Variants in ABCA8 observed in about 807,000 individuals in gnomAD.
The protein encoded by ABCA8 is ABC-type organic anion transporter ABCA8.
Under a neutral mutation model 192.3 loss-of-function variants are expected in ABCA8, and 177 were observed. The ratio of observed to expected loss-of-function variants is 0.92; its 90% CI spans 0.81 to 1.04. The LOEUF (loss-of-function observed/expected upper bound fraction) is 1.04. ABCA8 is among the 50% of genes least tolerant of loss of function. ABCA8 has a pLI of 0.00. For missense variants in ABCA8, 1,915 were observed against 1,904.8 expected, an observed-to-expected ratio of 1.01 and a Z score of -0.10; for synonymous variants, 642 against 690.2, an observed-to-expected ratio of 0.93 and a Z score of 1.09.
intron 11 of ABCA8, 57 bp from the exon 12 acceptor site, chr17:68,922,357 G>C (rs2067568136): frequency 8.5e-7 from 1 of 1,177,334 alleles, no homozygotes; most frequent in Non-Finnish European, 1.2e-6. Flanking sequence ...GTAATTTCCA[G>C]TTTGGTAGAC....
chr17:68,918,884 AG>A (rs2143609394), intron 14 of ABCA8, among the ~76,000 whole-genome samples: 1 of 141,960 alleles, frequency 7.0e-6, no homozygotes, highest in Admixed American at 7.3e-5. Context: ...GAGCCGGCAT[AG>A]GGCCATTGCA....
At position 68,875,364 on chromosome 17, in the gene ABCA8, A is replaced by C; in HGVS notation, c.4527T>G (p.Phe1509Leu). 1 of 1,614,138 alleles carries C rather than the reference A, an allele frequency of 6.2e-7. No homozygotes were observed. The highest frequency in any genetic ancestry group is 8.5e-7 in the Non-Finnish European group (1 of 1,180,018). The part of the protein sequence containing the change: ...IGSIQHLKSK[F>L]GKDYLLEMKV... ...TCATCTCCAGCAGGTAATCTTTGCC[A>C]AATTTGCTTTTCAGGTGTTGGATGG... The change falls in exon 37 of 40, where the codon TTT becomes TTG. Residue 1509 changes from phenylalanine (F) to leucine (L), a missense_variant. Phe to Leu is a conservative substitution (Grantham distance 22). Coordinates refer to ENST00000586539, the MANE Select transcript of ABCA8 (RefSeq NM_001288985.2).
Position 68,933,070 on chromosome 17 carries a change from A to G in ABCA8, c.570+98T>C, listed in dbSNP as rs973479947. On this transcript the variant is annotated intron_variant, in intron 6 of 39. Transcript: ENST00000586539. ...TTCAGAGTGAGCAAAGGAAATAACAAGGCTATCCACTTATATTTTCTTCCA... is the reference window on the plus strand; with the variant it reads ...TTCAGAGTGAGCAAAGGAAATAACAGGGCTATCCACTTATATTTTCTTCCA... 2.4e-5 allele frequency: 20 copies of G among 829,416 alleles called. No individual in the cohort carries two copies. In the African/African-American group the frequency reaches 3.1e-4, roughly 13 times the overall value. The allele number at this position is 829,416 out of a possible 1,614,324, so 51.4% of individuals were successfully genotyped here.
chr17:68,878,748 T>C (rs2143269603), intron 32 of ABCA8: 1 of 152,348 alleles, frequency 6.6e-6, no homozygotes, highest in South Asian at 2.1e-4. Context: ...TGATTGAAGT[T>C]AAGGACTAAA....
intron 10 of ABCA8, among the ~76,000 whole-genome samples, chr17:68,926,689 G>A (rs2067709707): frequency 1.3e-5 from 2 of 152,186 alleles, no homozygotes; most frequent in African/African-American, 2.4e-5. Flanking sequence ...GCCAACAATA[G>A]TGGATCCTGA....
At chr17:68,935,662 A>G (rs1484248007) in intron 5 of ABCA8, among the ~76,000 whole-genome samples, 1 of 150,654 alleles carries the variant, frequency 6.6e-6, no homozygotes, top group Non-Finnish European at 1.5e-5. Flanking sequence ...ATATGAGTGC[A>G]GGTATCTTTT....
At chr17:68,874,994 C>A (rs1008807598) in intron 37 of ABCA8, among the ~76,000 whole-genome samples, 2 of 152,024 alleles carry the variant, frequency 1.3e-5, no homozygotes, top group Non-Finnish European at 2.9e-5. Context: ...ATTTTTTTTA[C>A]TGGAATAGCT....
At chr17:68,903,549 T>G (rs2066970946) in intron 19 of ABCA8, 50 bp from the exon 20 acceptor site, 1 of 1,568,898 alleles carries the variant, frequency 6.4e-7, no homozygotes, top group Non-Finnish European at 8.8e-7. Context: ...GAGCTTACTA[T>G]AGAGATTGGC....
chr17:68,925,277 G>C (rs780332041), intron 10 of ABCA8, among the ~76,000 whole-genome samples: 42 of 151,962 alleles, frequency 2.8e-4, no homozygotes, highest in Non-Finnish European at 4.0e-4. Context: ...AAATCCAAAA[G>C]AAGATAGAAT....
At chr17:68,904,022 C>A (rs1353884182) in intron 19 of ABCA8, among the ~76,000 whole-genome samples, 1 of 151,992 alleles carries the variant, frequency 6.6e-6, no homozygotes, top group African/African-American at 2.4e-5. Context: ...TAATATCAAA[C>A]CTCAAAAAGC....
rs781460847 is a variant in ABCA8 at position 68,877,478 on chromosome 17, C to T, written c.4199+41G>A. ...GGTCATCACTCTCAACCTCCTCCAC[C>T]CCTCCCTTGGGTATAGAACAGATGT... On this transcript the variant is annotated intron_variant, in intron 33 of 39. Transcript: ENST00000586539. 4.5e-6 allele frequency: 7 copies of T among 1,546,386 alleles called. No homozygotes were observed. In the East Asian group the frequency reaches 7.0e-5, roughly 15 times the overall value.
At chr17:68,889,717 C>T (rs1355741287) in intron 24 of ABCA8, among the ~76,000 whole-genome samples, 1 of 152,068 alleles carries the variant, frequency 6.6e-6, no homozygotes, top group Non-Finnish European at 1.5e-5. Context: ...ACAAGTGACC[C>T]CCCACACCCC....
At chr17:68,892,101 CTT>C (rs1423390943) in intron 23 of ABCA8, among the ~76,000 whole-genome samples, 1 of 152,144 alleles carries the variant, frequency 6.6e-6, no homozygotes, top group African/African-American at 2.4e-5. Context: ...CCAAGAAAAT[CTT>C]TGCCCTAGTT....
At chr17:68,923,412 C>G (rs1055037710) in intron 11 of ABCA8, among the ~76,000 whole-genome samples, 1 of 152,094 alleles carries the variant, frequency 6.6e-6, no homozygotes, top group Non-Finnish European at 1.5e-5. Flanking sequence ...GTTGCTCAAG[C>G]TGGTCTCAAA....
At chr17:68,887,887 T>TATATA in intron 24 of ABCA8, among the ~76,000 whole-genome samples, 1 of 41,826 alleles carries the variant, frequency 2.4e-5, no homozygotes, top group East Asian at 6.9e-3. Flanking sequence ...CCTCCATATA[T>TATATA]ATATATATAT....
At chr17:68,942,177 C>CAGCATTGTA in intron 2 of ABCA8, 138 bp from the exon 3 acceptor site, 1 of 635,258 alleles carries the variant, frequency 1.6e-6, no homozygotes, top group Non-Finnish European at 2.7e-6. Context: ...GTTCCCAAGT[C>CAGCATTGTA]AGCATTGTAT....
At position 68,877,554 on chromosome 17, in the gene ABCA8, C is replaced by T. The variant is rs751839042; in HGVS notation, c.4164G>A (p.Gly1388=). ...QHLEVYAAVK[G]LRKGDAEVAI... Reference sequence around the variant, plus strand: ...CAACCTCAGCATCCCCTTTCCTCAGCCCTTTCACGGCGGCGTACACCTCCA... The same window carrying T: ...CAACCTCAGCATCCCCTTTCCTCAGTCCTTTCACGGCGGCGTACACCTCCA... Residue 1388 remains glycine (G), a synonymous_variant, in exon 33 of 40, where the codon GGG becomes GGA. Coordinates refer to ENST00000586539, the MANE Select transcript of ABCA8 (RefSeq NM_001288985.2). The T allele has an allele frequency of 4.3e-6, 7 of 1,613,918 alleles. No homozygotes were observed. Among genetic ancestry groups the T allele is most frequent in the Non-Finnish European group, 5.9e-6 (7 of 1,179,890 alleles).
At position 68,903,353 on chromosome 17, in the gene ABCA8, C is replaced by G. The variant is rs760008009; in HGVS notation, c.2545G>C (p.Ala849Pro). The G allele has an allele frequency of 1.2e-6, 2 of 1,614,190 alleles. No homozygotes were observed. The highest frequency in any genetic ancestry group is 2.2e-5 in the East Asian group (1 of 44,872). Residue 849 changes from alanine to proline, a missense_variant, in exon 20 of 40, where the codon GCA (alanine) becomes CCA (proline). Transcript: ENST00000586539. Reference protein sequence around the residue: ...ALWRQQICAIARVRLLKLKHE... With the variant: ...ALWRQQICAIPRVRLLKLKHE... ...TTTAACTTTAACAAGCGAACCCTTGCAATTGCGCAGATTTGCTGTCGCCAG... is the reference window on the plus strand; with the variant it reads ...TTTAACTTTAACAAGCGAACCCTTGGAATTGCGCAGATTTGCTGTCGCCAG...
At chr17:68,886,074 A>G (rs1256299854) in intron 26 of ABCA8, among the ~76,000 whole-genome samples, 1 of 152,198 alleles carries the variant, frequency 6.6e-6, no homozygotes, top group Admixed American at 6.5e-5. Flanking sequence ...AGAAAGTGAT[A>G]GGTACACTGG....
Sources: allele counts gnomAD v4.1 joint callset (sites outside exome capture counted in the v4.1 genomes callset), GRCh38; gene constraint gnomAD v4.1.1; transcripts MANE v1.5; gene names NCBI Gene and HGNC (gene_info 2026-07-23, HGNC 2026-07-21).